The following GAL variants were observed in gnomAD, a reference collection of about 807,000 sequenced individuals.
GAL encodes the protein galanin peptides.
GAL carries 14 observed loss-of-function variants against 15.8 expected under a neutral mutation model. The observed-to-expected ratio is 0.89, with a 90% CI of 0.59 to 1.39. GAL has a LOEUF of 1.39. Ranked by LOEUF, GAL falls within the 40% of genes most tolerant of loss-of-function variation. The pLI is 0.00. For missense variants in GAL, 176 were observed against 170.4 expected (o/e 1.03, Z -0.18); for synonymous variants, 79 against 73.8 (o/e 1.07, Z -0.36).
intron 2 of GAL, 120 bp from the exon 3 acceptor site, chr11:68,685,474 C>G (rs1227780861): frequency 1.4e-6 from 1 of 709,850 alleles, no homozygotes; most frequent in African/African-American, 1.8e-5. Flanking sequence ...ATTTCGCGAG[C>G]TATCCAAAAG....
intron 3 of GAL, among the ~76,000 whole-genome samples, chr11:68,686,152 CTGT>C (rs1443063865): frequency 6.6e-6 from 1 of 152,198 alleles, no homozygotes; most frequent in African/African-American, 2.4e-5. Flanking sequence ...TCTCCCTGTC[CTGT>C]TGTTGTCACC....
At chr11:68,689,869 A>G (rs187296262) in intron 5 of GAL, among the ~76,000 whole-genome samples, 3 of 152,354 alleles carry the variant, frequency 2.0e-5, no homozygotes, top group Non-Finnish European at 4.4e-5. Context: ...ACCTCCGCAC[A>G]CTACGCTTGG....
intron 3 of GAL, among the ~76,000 whole-genome samples, chr11:68,686,174 C>T (rs922255545): frequency 1.2e-4 from 18 of 152,180 alleles, no homozygotes; most frequent in Admixed American, 8.5e-4. Context: ...CCTGTGTCAG[C>T]GGTGTCCCCT....
intron 3 of GAL, among the ~76,000 whole-genome samples, chr11:68,687,004 A>G (rs1449453552): frequency 6.6e-6 from 1 of 152,242 alleles, no homozygotes; most frequent in Non-Finnish European, 1.5e-5. Flanking sequence ...ATACTTAAAA[A>G]TGTGCCTTTG....
chr11:68,688,324 C>A (rs142207245), intron 4 of GAL, among the ~76,000 whole-genome samples: 56 of 152,292 alleles, frequency 3.7e-4, no homozygotes, highest in Middle Eastern at 3.4e-3. Context: ...GCTGCCCAGG[C>A]ACCAGGGCCT....
At chr11:68,690,663 T>C (rs1229578237) in intron 5 of GAL, among the ~76,000 whole-genome samples, 1 of 152,202 alleles carries the variant, frequency 6.6e-6, no homozygotes. Context: ...CCAGCTCTCA[T>C]TACTCAGCTA....
intron 3 of GAL, among the ~76,000 whole-genome samples, chr11:68,687,188 C>G (rs1255054314): frequency 6.6e-6 from 1 of 152,160 alleles, no homozygotes; most frequent in Non-Finnish European, 1.5e-5. Context: ...TCTCCTTTGT[C>G]TGGCCTTGTA....
intron 3 of GAL, among the ~76,000 whole-genome samples, chr11:68,686,063 C>T (rs978089456): frequency 1.3e-5 from 2 of 152,198 alleles, no homozygotes; most frequent in South Asian, 2.1e-4. Flanking sequence ...ATTGCCAGAT[C>T]GCCTGAAGGC....
At position 68,684,707 on chromosome 11, in the gene GAL, G is replaced by C. The variant is rs946408144; in HGVS notation, c.-26G>C. 1.4e-5 allele frequency: 6 copies of C among 415,394 alleles called. No individual in the cohort carries two copies. The Admixed American group carries it at 1.8e-4, about 12-fold the overall frequency. The allele number at this position is 415,394 out of a possible 1,614,324, so 25.7% of individuals were successfully genotyped here. ...CACCGCACCCGGACCCCGACGCTCC[G>C]AACCCGGGCGCAGCCGCAGCTCAAG... On this transcript the variant is annotated 5_prime_UTR_variant, in exon 1 of 6. Transcript: ENST00000265643.
rs542684427 is a variant in GAL at position 68,684,989 on chromosome 11, G to A, written c.66G>A (p.Ala22=). 44 of 1,602,084 alleles carry A rather than the reference G, an allele frequency of 2.7e-5. No individual in the cohort carries two copies. In the African/African-American group the frequency reaches 5.2e-4, roughly 19 times the overall value. Residue 22 remains alanine (A), a synonymous_variant, in exon 2 of 6, where the codon GCG becomes GCA. Transcript: ENST00000265643. ...TCGCCGCGGCCCTTTCTGCCTCTGC[G>A]GGGCTCTGGTCGCCGGTAAGTGCGG... is the stretch of plus-strand genomic sequence containing the variant. The part of the protein sequence containing the change: ...LLLAAALSAS[A]GLWSPAKEKR...
rs908596910 is a variant in GAL at position 68,684,950 on chromosome 11, C to T, written c.27C>T (p.Leu9=). The change falls in exon 2 of 6, where the codon CTC becomes CTT. Residue 9 remains leucine (L), a synonymous_variant. Transcript: ENST00000265643. The part of the protein sequence containing the change: MARGSALL[L]ASLLLAAALS... ...TGGCCCGAGGCAGCGCCCTCCTGCT[C>T]GCCTCCCTCCTCCTCGCCGCGGCCC... is the stretch of plus-strand genomic sequence containing the variant. 6.2e-7 allele frequency: 1 copy of T among 1,609,086 alleles called. No individual in the cohort carries two copies.
At chr11:68,687,221 A>C (rs532155064) in intron 3 of GAL, among the ~76,000 whole-genome samples, 1 of 152,266 alleles carries the variant, frequency 6.6e-6, no homozygotes, top group South Asian at 2.1e-4. Context: ...CACCCAGGCC[A>C]ACCAGCTGGA....
chr11:68,686,179 T>C (rs1395199728), intron 3 of GAL, among the ~76,000 whole-genome samples: 1 of 152,122 alleles, frequency 6.6e-6, no homozygotes, highest in East Asian at 1.9e-4. Context: ...GTCAGCGGTG[T>C]CCCCTGCTGC....
intron 3 of GAL, among the ~76,000 whole-genome samples, chr11:68,686,363 C>T (rs909695804): frequency 1.3e-5 from 2 of 152,212 alleles, no homozygotes; most frequent in African/African-American, 4.8e-5. Flanking sequence ...TCCTGTAACT[C>T]ACCTTCCCCT....
intron 5 of GAL, among the ~76,000 whole-genome samples, chr11:68,690,239 C>A (rs903464312): frequency 7.0e-6 from 1 of 142,440 alleles, no homozygotes; most frequent in Non-Finnish European, 1.5e-5. Context: ...TAACAGGGAG[C>A]TGGTGGTGGG....
chr11:68,688,153 A>G (rs1443268847), intron 4 of GAL, 53 bp downstream of exon 4: 3 of 1,052,686 alleles, frequency 2.8e-6, no homozygotes, highest in African/African-American at 1.6e-5. Context: ...ACCAGCTCCC[A>G]GGTGCATGCA....
chr11:68,684,761 C>G, intron 1 of GAL, 29 bp downstream of exon 1: 1 of 521,852 alleles, frequency 1.9e-6, no homozygotes, highest in Non-Finnish European at 3.4e-6. Context: ...CGACCCTGCG[C>G]CCCCGGGAGG....
chr11:68,688,859 C>G lies in GAL; in HGVS notation c.234C>G (p.Asp78Glu). The change falls in exon 5 of 6, where the codon GAC (aspartate) becomes GAG (glutamate). Residue 78 changes from aspartate (D) to glutamate (E), a missense_variant. Transcript: ENST00000265643. Reference sequence around the variant, plus strand: ...TCTTTTCTCTTCTAGGAAGCTTTGACAGGTCCATACCTGAAAACAATATCA... The same window carrying G: ...TCTTTTCTCTTCTAGGAAGCTTTGAGAGGTCCATACCTGAAAACAATATCA... The part of the protein sequence containing the change: ...PEDDMKPGSF[D>E]RSIPENNIMR... The G allele has an allele frequency of 6.5e-7, 1 of 1,535,584 alleles. No homozygotes were observed. The highest frequency in any genetic ancestry group is 9.0e-7 in the Non-Finnish European group (1 of 1,108,514).
At chr11:68,686,540 C>T (rs114188955) in intron 3 of GAL, among the ~76,000 whole-genome samples, 1,551 of 152,314 alleles carry the variant, frequency 0.01, 25 homozygotes, top group African/African-American at 0.036. Context: ...GTCCCAGAGT[C>T]GAATACAGCT....
Sources: allele counts gnomAD v4.1 joint callset (sites outside exome capture counted in the v4.1 genomes callset), GRCh38; gene constraint gnomAD v4.1.1; transcripts MANE v1.5; gene names NCBI Gene and HGNC (gene_info 2026-07-23, HGNC 2026-07-21).